ATM: variants seen among roughly 807,000 people sequenced by gnomAD.
The protein encoded by ATM is ATM serine/threonine kinase.
A neutral mutation model predicts 387.0 loss-of-function variants in ATM; 308 were observed. The observed-to-expected ratio is 0.80, with a 90% CI of 0.73 to 0.87. The LOEUF is 0.87. Among genes scored for constraint, ATM ranks in the 40% least tolerant of loss-of-function variants. ATM has a pLI of 0.00. For synonymous variants in ATM, 1,156 were observed against 1,187.3 expected (o/e 0.97, Z 0.54); for missense variants, 3,312 against 3,560.9 (o/e 0.93, Z 1.78).
rs45569338 is a variant in ATM at position 108,310,418 on chromosome 11, G to A, written c.5918+103G>A. ...TTTGCCTCCTGTTCCCCATTTAAAA[G>A]ATATTTTAGATAGAAATTTTGTTTT... On this transcript the variant is annotated intron_variant, in intron 39 of 62. Coordinates refer to ENST00000675843, the MANE Select transcript of ATM (RefSeq NM_000051.4). 1.2e-3 allele frequency: 1,250 copies of A among 1,048,668 alleles called. 2 individuals carry two copies. Among genetic ancestry groups the A allele is most frequent in the Admixed American group, 3.5e-3 (133 of 38,248 alleles). The allele number at this position is 1,048,668 out of a possible 1,614,324, so 65.0% of individuals were successfully genotyped here.
chr11:108,287,755 A>G, intron 27 of ATM, 40 bp downstream of exon 27: 1 of 1,406,648 alleles, frequency 7.1e-7, no homozygotes, highest in East Asian at 2.3e-5. Flanking sequence ...CTCTAACTTC[A>G]CAAGTTTTTA....
At chr11:108,231,407 T>A (rs1345227906) in intron 4 of ATM, 1 of 151,978 alleles carries the variant, frequency 6.6e-6, no homozygotes. Flanking sequence ...AATTTAAGAA[T>A]CAGGAGTGTG....
Position 108,345,869 on chromosome 11 carries a change from C to T in ATM, c.8545C>T (p.Arg2849Ter), listed in dbSNP as rs587778080. The change falls in exon 58 of 63, where the codon CGA becomes TGA. Residue 2849 changes from arginine to a stop codon, truncating the protein, a stop_gained. Transcript: ENST00000675843. LOFTEE classifies it high-confidence loss of function. The stretch of plus-strand genomic sequence containing the variant: ...GGATCCAGCTATTTGGTTTGAGAAG[C>T]GATTGGCTTATACGCGCAGTGTAGC... ...FLDPAIWFEK[R>*]LAYTRSVATS... is the part of the protein sequence containing the mutation. 3 of 1,613,682 alleles carry T rather than the reference C, an allele frequency of 1.9e-6. No individual in the cohort carries two copies. Among genetic ancestry groups the T allele is most frequent in the African/African-American group, 2.7e-5 (2 of 74,894 alleles).
At position 108,321,379 on chromosome 11, in the gene ATM, G is replaced by A. The variant is rs2136241619; in HGVS notation, c.6531G>A (p.Gln2177=). The A allele has an allele frequency of 1.2e-6, 2 of 1,614,078 alleles. No homozygotes were observed. Among genetic ancestry groups the A allele is most frequent in the Non-Finnish European group, 8.5e-7 (1 of 1,180,042 alleles). ...YSLYPTLSRL[Q]AIGELESIGE... ...TCTATCCCACACTTAGCAGGTTGCA[G>A]GCCATTGGAGAGCTGGAAAGCATTG... is the stretch of plus-strand genomic sequence containing the variant. The change falls in exon 45 of 63, where the codon CAG becomes CAA. Residue 2177 remains glutamine, a synonymous_variant. Transcript: ENST00000675843.
Position 108,333,035 on chromosome 11 carries a change from G to A in ATM, c.7927+135G>A, listed in dbSNP as rs1040253074. On this transcript the variant is annotated intron_variant, in intron 53 of 62. Transcript: ENST00000675843. ...TCCAAAAGCTTAATTTATATCTGATGGCTTCAGCATTCCCTGGTTACTTTT... is the reference window on the plus strand; with the variant it reads ...TCCAAAAGCTTAATTTATATCTGATAGCTTCAGCATTCCCTGGTTACTTTT... The A allele has an allele frequency of 3.6e-6, 4 of 1,121,032 alleles. No individual in the cohort carries two copies. In the African/African-American group the frequency reaches 6.3e-5, roughly 18 times the overall value. The allele number at this position is 1,121,032 out of a possible 1,614,324, so 69.4% of individuals were successfully genotyped here. A position where few individuals can be genotyped will look rare whatever the true frequency, so the allele number is the denominator to read the frequency against.
chr11:108,254,889 T>A (rs957581495), intron 13 of ATM, among the ~76,000 whole-genome samples: 3 of 152,170 alleles, frequency 2.0e-5, no homozygotes, highest in African/African-American at 7.2e-5. Flanking sequence ...CCTCAGGTGA[T>A]GGACCCGCCT....
rs755706903 is a variant in ATM, at chr11:108,333,927, A to C, written c.7969A>C (p.Lys2657Gln). ...AGCAGACCAGCCAATTACTAAACTT[A>C]AGAATTTAGAAGATGTTGTTGTCCC... is the stretch of plus-strand genomic sequence containing the variant. ...IPADQPITKL[K>Q]NLEDVVVPTM... Residue 2657 changes from lysine (K) to glutamine (Q), a missense_variant, in exon 54 of 63, where the codon AAG becomes CAG. Physicochemically the swap from Lys to Gln is moderately conservative, Grantham distance 53. This residue lies in a region of ATM where 1,405 missense variants were observed against 1,604.4 expected (regional missense o/e 0.88). Coordinates refer to ENST00000675843, the MANE Select transcript of ATM (RefSeq NM_000051.4). The C allele has an allele frequency of 6.2e-7, 1 of 1,611,736 alleles. No homozygotes were observed. Among genetic ancestry groups the C allele is most frequent in the Non-Finnish European group, 8.5e-7 (1 of 1,177,838 alleles).
chr11:108,333,787 G>A, intron 53 of ATM, 99 bp from the exon 54 acceptor site: 1 of 952,880 alleles, frequency 1.0e-6, no homozygotes, highest in Admixed American at 1.7e-5. Flanking sequence ...CCACAGATTA[G>A]CAACAAGTTG....
At chr11:108,232,819 G>A (rs1409922292) in intron 4 of ATM, among the ~76,000 whole-genome samples, 1 of 151,386 alleles carries the variant, frequency 6.6e-6, no homozygotes, top group Non-Finnish European at 1.5e-5. Flanking sequence ...GGGATTATAG[G>A]TGTGAGCCAC....
rs773889320 is a variant in ATM at position 108,335,906 on chromosome 11, T to G, written c.8213T>G (p.Leu2738Ter). 1 of 1,613,964 alleles carries G rather than the reference T, an allele frequency of 6.2e-7. No individual in the cohort carries two copies. The highest frequency in any genetic ancestry group is 8.5e-7 in the Non-Finnish European group (1 of 1,179,990). ...CAGGTCTTCCAGATGTGTAATACAT[T>G]ACTGCAGAGAAACACGGAAACTAGG... ...MQQVFQMCNT[L>*]LQRNTETRKR... Residue 2738 changes from leucine (L) to a stop codon, truncating the protein, a stop_gained, in exon 56 of 63, where the codon TTA becomes TGA. Coordinates refer to ENST00000675843, the MANE Select transcript of ATM (RefSeq NM_000051.4). LOFTEE classifies it high-confidence loss of function.
intron 59 of ATM, among the ~76,000 whole-genome samples, chr11:108,351,343 G>A (rs2089179203): frequency 6.6e-6 from 1 of 152,230 alleles, no homozygotes; most frequent in Non-Finnish European, 1.5e-5. Flanking sequence ...AGAAATCCCA[G>A]TGAGTCACAC....
Position 108,250,682 on chromosome 11 carries a change from C to A in ATM, c.1236-19C>A. On this transcript the variant is annotated intron_variant, in intron 9 of 62. Transcript: ENST00000675843. Reference sequence around the variant, plus strand: ...TGTGATGGAATAGTTTTCAAATTATCCTTTTTTTTTTTTTTTAGGCTACAG... The same window carrying A: ...TGTGATGGAATAGTTTTCAAATTATACTTTTTTTTTTTTTTTAGGCTACAG... 1 of 1,448,752 alleles carries A rather than the reference C, an allele frequency of 6.9e-7. No homozygotes were observed. The highest frequency in any genetic ancestry group is 1.2e-5 in the South Asian group (1 of 84,506). The allele number at this position is 1,448,752 out of a possible 1,614,324, so 89.7% of individuals were successfully genotyped here. A position where few individuals can be genotyped will look rare whatever the true frequency, so the allele number is the denominator to read the frequency against.
At chr11:108,306,189 C>G (rs1269920219) in intron 37 of ATM, among the ~76,000 whole-genome samples, 1 of 151,986 alleles carries the variant, frequency 6.6e-6, no homozygotes, top group African/African-American at 2.4e-5. Context: ...AATTACAAAT[C>G]TACTATTTGG....
rs1484328440 is a variant in ATM at position 108,366,837 on chromosome 11, C to T, written c.*1329C>T. On this transcript the variant is annotated 3_prime_UTR_variant, in exon 63 of 63. Coordinates refer to ENST00000675843, the MANE Select transcript of ATM (RefSeq NM_000051.4). ...TTTATGGCAGGGGTGGAAGGAGGTA[C>T]ATTTAATTCCCACTGCCTGCCTTTG... 1 of 229,734 alleles carries T rather than the reference C, an allele frequency of 4.4e-6. No homozygotes were observed. Among genetic ancestry groups the T allele is most frequent in the Middle Eastern group, 1.3e-3 (1 of 788 alleles). The allele number at this position is 229,734 out of a possible 1,614,324, so 14.2% of individuals were successfully genotyped here. A position where few individuals can be genotyped will look rare whatever the true frequency, so the allele number is the denominator to read the frequency against.
chr11:108,302,895 G>A lies in ATM; in HGVS notation c.5362G>A (p.Gly1788Ser), dbSNP rs730881373. The change falls in exon 36 of 63, where the codon GGC (glycine) becomes AGC (serine). Residue 1788 changes from glycine to serine, a missense_variant. By Grantham distance (56) the Gly-to-Ser change is moderately conservative. Around this residue, in one of 4 missense-constraint regions of ATM, gnomAD observed 1,405 missense variants for 1,604.4 expected, o/e 0.88. Transcript: ENST00000675843. Reference protein sequence around the residue: ...PRFDKENPFEGLDDINLWIPL... With the variant: ...PRFDKENPFESLDDINLWIPL... The stretch of plus-strand genomic sequence containing the variant: ...ATTTGACAAAGAAAACCCTTTTGAA[G>A]GCCTGGATGATATAAATCTGTGGAT... 6 of 1,613,152 alleles carry A rather than the reference G, an allele frequency of 3.7e-6. No individual in the cohort carries two copies. The East Asian group carries it at 1.3e-4, about 36-fold the overall frequency.
At position 108,319,990 on chromosome 11, in the gene ATM, G is replaced by C. The variant is rs1060501629; in HGVS notation, c.6384G>C (p.Leu2128Phe). The C allele has an allele frequency of 1.2e-6, 2 of 1,612,800 alleles. No individual in the cohort carries two copies. The highest frequency in any genetic ancestry group is 8.5e-7 in the Non-Finnish European group (1 of 1,178,992). The change falls in exon 44 of 63, where the codon TTG (leucine) becomes TTC (phenylalanine). Residue 2128 changes from leucine (L) to phenylalanine (F), a missense_variant. By Grantham distance (22) the Leu-to-Phe change is conservative. Coordinates refer to ENST00000675843, the MANE Select transcript of ATM (RefSeq NM_000051.4). Reference sequence around the variant, plus strand: ...AAGGAACCAGTTACCATGAATCATTGTACAATGCTCTACAATCTCTAAGAG... The same window carrying C: ...AAGGAACCAGTTACCATGAATCATTCTACAATGCTCTACAATCTCTAAGAG... ...EVEGTSYHES[L>F]YNALQSLRDR...
rs56283878 is a variant in ATM, at chr11:108,353,900, G to C, written c.8786+20G>C. The C allele has an allele frequency of 1.4e-4, 218 of 1,595,398 alleles. 2 individuals are homozygous for C. In the East Asian group the frequency reaches 4.8e-3, roughly 35 times the overall value. On this transcript the variant is annotated intron_variant, in intron 60 of 62. Transcript: ENST00000675843. ...CAGAAGGTAAGTGATATGAAGTAAA[G>C]GAGGGAAATAATTTTTGATGTCAAA...
At position 108,248,981 on chromosome 11, in the gene ATM, A is replaced by G. The variant is rs1591517491; in HGVS notation, c.1114A>G (p.Thr372Ala). 2 of 1,612,534 alleles carry G rather than the reference A, an allele frequency of 1.2e-6. No individual in the cohort carries two copies. Among genetic ancestry groups the G allele is most frequent in the Non-Finnish European group, 1.7e-6 (2 of 1,178,720 alleles). ...RSLEISQSYTTTQRESSDYSV... is the reference protein window; with the variant it reads ...RSLEISQSYTATQRESSDYSV... ...CTTGGAGATTTCTCAATCTTACACT[A>G]CTACACAAAGAGAATCTAGTGATTA... is the stretch of plus-strand genomic sequence containing the variant. Residue 372 changes from threonine to alanine, a missense_variant, in exon 9 of 63, where the codon ACT becomes GCT. Coordinates refer to ENST00000675843, the MANE Select transcript of ATM (RefSeq NM_000051.4).
At chr11:108,319,182 A>G (rs557993806) in intron 43 of ATM, among the ~76,000 whole-genome samples, 2 of 152,350 alleles carry the variant, frequency 1.3e-5, no homozygotes, top group African/African-American at 4.8e-5. Context: ...GTCTCAAAAA[A>G]TAATAATTAT....
Sources: gnomAD v4.1 joint callset for allele counts (sites outside exome capture counted in the v4.1 genomes callset) on GRCh38, gnomAD v4.1.1 for gene constraint, gnomAD v4.1.1 regional missense constraint, MANE v1.5 for transcripts, NCBI Gene and HGNC (gene_info 2026-07-23, HGNC 2026-07-21) for gene names.